The following PCDH15 variants were observed in gnomAD, a reference collection of about 807,000 sequenced individuals.
PCDH15 encodes protocadherin-15.
Under a neutral mutation model 178.5 loss-of-function variants are expected in PCDH15, and 129 were observed. The ratio of observed to expected loss-of-function variants is 0.72; its 90% confidence interval spans 0.63 to 0.84. The LOEUF (loss-of-function observed/expected upper bound fraction) is 0.84, where lower values mean the gene tolerates loss of function less well. Among genes scored for constraint, PCDH15 ranks in the 40% least tolerant of loss-of-function variants. The pLI is 0.00. For synonymous variants in PCDH15, 800 were observed against 732.0 expected, an observed-to-expected ratio of 1.09 and a Z score of -1.50; for missense variants, 2,230 against 2,099.9, an observed-to-expected ratio of 1.06 and a Z score of -1.21.
At chr10:55,042,565 A>G (rs1840891395) in intron 2 of PCDH15, among the ~76,000 whole-genome samples, 1 of 152,162 alleles carries the variant, frequency 6.6e-6, no homozygotes, top group Non-Finnish European at 1.5e-5. Context: ...GCATGTTTTT[A>G]GTCTTGTCAA....
At chr10:55,256,735 A>C (rs536767449) in intron 1 of PCDH15, among the ~76,000 whole-genome samples, 1 of 152,206 alleles carries the variant, frequency 6.6e-6, no homozygotes, top group South Asian at 2.1e-4. Flanking sequence ...GGAAGCTCGA[A>C]CTGGGTGGAG....
At chr10:54,542,162 C>A (rs1397177997) in intron 2 of PCDH15, among the ~76,000 whole-genome samples, 1 of 152,150 alleles carries the variant, frequency 6.6e-6, no homozygotes, top group Non-Finnish European at 1.5e-5. Flanking sequence ...AGCAATTTTC[C>A]TACTTAAGTG....
At chr10:55,242,794 C>A (rs2132214161) in intron 1 of PCDH15, among the ~76,000 whole-genome samples, 1 of 152,230 alleles carries the variant, frequency 6.6e-6, no homozygotes, top group South Asian at 2.1e-4. Context: ...GAGCCGTGAT[C>A]CCACCACTGC....
chr10:55,215,350 AGCATTG>A (rs2132175913), intron 1 of PCDH15, among the ~76,000 whole-genome samples: 1 of 152,260 alleles, frequency 6.6e-6, no homozygotes, highest in South Asian at 2.1e-4. Flanking sequence ...TGATGTAGTT[AGCATTG>A]GCAAGTAGTT....
At chr10:53,817,571 G>A (rs2076111156) in intron 34 of PCDH15, among the ~76,000 whole-genome samples, 1 of 145,434 alleles carries the variant, frequency 6.9e-6, no homozygotes, top group Non-Finnish European at 1.5e-5. Flanking sequence ...GCCCAGGCTG[G>A]AGTGCAGTGG....
At chr10:55,619,118 C>A (rs568503365) in intron 2 of PCDH15, among the ~76,000 whole-genome samples, 2 of 151,938 alleles carry the variant, frequency 1.3e-5, no homozygotes, top group African/African-American at 2.4e-5. Context: ...AAAAATGCAA[C>A]CACGTATGTT....
chr10:53,939,123 A>G (rs2085832526), intron 24 of PCDH15, among the ~76,000 whole-genome samples, 168 bp from the exon 25 acceptor site: 1 of 152,164 alleles, frequency 6.6e-6, no homozygotes, highest in Non-Finnish European at 1.5e-5. Flanking sequence ...CAGCTCTTTG[A>G]ATGATCAACA....
chr10:53,809,169 C>T, intron 37 of PCDH15: 2 of 1,613,944 alleles, frequency 1.2e-6, no homozygotes, highest in South Asian at 1.1e-5. Context: ...GTGTCTCTGA[C>T]TCAGATTCCT....
intron 2 of PCDH15, chr10:55,575,771 G>C (rs944493961): frequency 6.6e-6 from 1 of 152,104 alleles, no homozygotes; most frequent in African/African-American, 2.4e-5. Flanking sequence ...GGAAATTCAC[G>C]AACAATTCCC....
intron 2 of PCDH15, among the ~76,000 whole-genome samples, chr10:55,404,652 A>G (rs1217058382): frequency 6.6e-6 from 1 of 151,986 alleles, no homozygotes; most frequent in African/African-American, 2.4e-5. Flanking sequence ...CTAATGGCAA[A>G]TATCTGGCGA....
In PCDH15 at chr10:54,844,624, C is replaced by CA. The variant is rs1953473619; in HGVS notation, c.-29+52825_-29+52826insT. Among the ~76,000 whole-genome samples, 3 of 150,972 alleles carry CA rather than the reference C, an allele frequency of 2.0e-5. No individual in the cohort carries two copies. The South Asian group carries it at 6.3e-4, about 32-fold the overall frequency. ...CTGAGTAAAGGCAAGTTTTCTTTTG[C>CA]TTTTTTTTTGAATATTAATAATTTT... On this transcript the variant is annotated intron_variant, in intron 3 of 5. Transcript: ENST00000458638.
chr10:54,009,983 C>T (rs2092520757), intron 20 of PCDH15, among the ~76,000 whole-genome samples: 1 of 152,162 alleles, frequency 6.6e-6, no homozygotes, highest in South Asian at 2.1e-4. Flanking sequence ...AGTAAAGGGG[C>T]CAAATCCACG....
At chr10:55,578,870 A>G (rs933781302) in intron 2 of PCDH15, among the ~76,000 whole-genome samples, 1 of 152,280 alleles carries the variant, frequency 6.6e-6, no homozygotes, top group South Asian at 2.1e-4. Flanking sequence ...TCATGAGAAC[A>G]GCAGGGGGAA....
chr10:53,888,309 T>TAC (rs59199185), intron 26 of PCDH15, among the ~76,000 whole-genome samples: 3 of 107,798 alleles, frequency 2.8e-5, no homozygotes, highest in Non-Finnish European at 5.5e-5. Context: ...TATATATATA[T>TAC]GTATATATGT....
At chr10:55,133,076 G>A (rs774249952) in intron 2 of PCDH15, among the ~76,000 whole-genome samples, 3 of 152,144 alleles carry the variant, frequency 2.0e-5, no homozygotes, top group Non-Finnish European at 4.4e-5. Flanking sequence ...GATAGATCTC[G>A]ATTTGATTGA....
At chr10:54,585,979 G>A (rs567243123) in intron 2 of PCDH15, among the ~76,000 whole-genome samples, 103 of 152,084 alleles carry the variant, frequency 6.8e-4, no homozygotes, top group Non-Finnish European at 1.1e-3. Flanking sequence ...AGCCCTGCCC[G>A]AGAAGGGACA....
At chr10:54,639,570 A>G (rs2093945426) in intron 2 of PCDH15, among the ~76,000 whole-genome samples, 1 of 152,206 alleles carries the variant, frequency 6.6e-6, no homozygotes, top group African/African-American at 2.4e-5. Context: ...TACTAATGCC[A>G]AATGATAAGG....
chr10:55,299,393 A>G (rs917986677), intron 1 of PCDH15, among the ~76,000 whole-genome samples: 1 of 152,162 alleles, frequency 6.6e-6, no homozygotes, highest in African/African-American at 2.4e-5. Flanking sequence ...TGCAGATGAG[A>G]GTGAACTCCC....
intron 8 of PCDH15, among the ~76,000 whole-genome samples, chr10:54,248,386 C>A (rs578247640): frequency 5.3e-5 from 8 of 152,074 alleles, no homozygotes; most frequent in African/African-American, 1.4e-4. Context: ...AAGGTAACTT[C>A]AGTGAAATTA....
Sources: gnomAD v4.1 joint callset for allele counts (sites outside exome capture counted in the v4.1 genomes callset) on GRCh38, gnomAD v4.1.1 for gene constraint, MANE v1.5 for transcripts, NCBI Gene and HGNC (gene_info 2026-07-23, HGNC 2026-07-21) for gene names.